The following MRTFB variants were observed in gnomAD, a reference collection of about 807,000 sequenced individuals.
The protein encoded by MRTFB is myocardin-related transcription factor B.
In MRTFB, 29 loss-of-function variants were observed where a neutral mutation model predicts 104.2. That is an observed-to-expected ratio of 0.28 (90% CI 0.21 to 0.38). MRTFB has a LOEUF of 0.38. Among genes scored for constraint, MRTFB ranks in the 10% least tolerant of loss-of-function variants. The probability of loss-of-function intolerance (pLI) is 1.00; values close to 1 mark genes in which losing one functional copy is unlikely to be tolerated. For synonymous variants in MRTFB, 535 were observed against 519.5 expected (o/e 1.03, Z -0.41); for missense variants, 1,270 against 1,341.6 (o/e 0.95, Z 0.83).
chr16:14,200,498 A>G (rs769220821), intron 3 of MRTFB: 14 of 1,610,476 alleles, frequency 8.7e-6, no homozygotes, highest in African/African-American at 6.7e-5. Flanking sequence ...AGTCAGTGCA[A>G]TCATCGTCTG....
chr16:14,142,238 TTTC>T (rs2038041153), intron 3 of MRTFB: 1 of 141,324 alleles, frequency 7.1e-6, no homozygotes, highest in South Asian at 2.2e-4. Flanking sequence ...CCTTCCATCT[TTTC>T]TTTCTTTTTT....
At chr16:14,182,172 G>A (rs1394212236) in intron 3 of MRTFB, among the ~76,000 whole-genome samples, 1 of 152,214 alleles carries the variant, frequency 6.6e-6, no homozygotes, top group African/African-American at 2.4e-5. Context: ...GATACTGCAG[G>A]TCTCCTCCAT....
intron 3 of MRTFB, chr16:14,152,746 CA>C (rs1275554359): frequency 1.3e-5 from 2 of 152,118 alleles, no homozygotes; most frequent in Non-Finnish European, 2.9e-5. Context: ...GGGTGAACGG[CA>C]TTCCACATTG....
chr16:14,011,819 C>A, the MRTFB span, among the ~76,000 whole-genome samples: 1 of 152,118 alleles, frequency 6.6e-6, no homozygotes, highest in African/African-American at 2.4e-5. Flanking sequence ...TTGCAGTGAG[C>A]CAAGATCATG....
chr16:14,171,971 A>G (rs1332577961), intron 3 of MRTFB, among the ~76,000 whole-genome samples: 7 of 152,214 alleles, frequency 4.6e-5, no homozygotes, highest in Non-Finnish European at 7.3e-5. Flanking sequence ...GTTATTTGAA[A>G]TGCAGTTGCA....
intron 3 of MRTFB, among the ~76,000 whole-genome samples, chr16:14,205,644 A>G (rs1307041963): frequency 2.0e-5 from 3 of 152,362 alleles, no homozygotes; most frequent in African/African-American, 7.2e-5. Flanking sequence ...AAATGTGAGC[A>G]ATTGTAACAT....
chr16:14,147,146 T>C (rs77837419), intron 3 of MRTFB, among the ~76,000 whole-genome samples: 1,896 of 152,336 alleles, frequency 0.012, 36 homozygotes, highest in African/African-American at 0.042. Flanking sequence ...TTTTCCTGCT[T>C]TCAGGAGTTA....
the MRTFB span, among the ~76,000 whole-genome samples, chr16:14,000,231 G>A: frequency 6.6e-6 from 1 of 152,200 alleles, no homozygotes; most frequent in South Asian, 2.1e-4. Context: ...TCTCTGCTTC[G>A]GGGACAGAAG....
At chr16:14,019,064 T>C in the MRTFB span, 2 of 152,454 alleles carry the variant, frequency 1.3e-5, no homozygotes, top group South Asian at 4.1e-4. Context: ...AGTGAAATCA[T>C]TGTTTTGTCT....
At chr16:14,119,883 A>G (rs1247507752) in intron 2 of MRTFB, among the ~76,000 whole-genome samples, 1 of 152,098 alleles carries the variant, frequency 6.6e-6, no homozygotes, top group Non-Finnish European at 1.5e-5. Flanking sequence ...AGGGTCCTAC[A>G]TTTCCTCAGC....
At chr16:14,214,763 T>C (rs1457261722) in intron 6 of MRTFB, 1 of 152,134 alleles carries the variant, frequency 6.6e-6, no homozygotes, top group Non-Finnish European at 1.5e-5. Context: ...CTCTCAATAT[T>C]AAGGATGTGG....
intron 3 of MRTFB, among the ~76,000 whole-genome samples, chr16:14,206,492 C>T (rs150548939): frequency 1.3e-5 from 2 of 152,218 alleles, no homozygotes; most frequent in Non-Finnish European, 2.9e-5. Flanking sequence ...GTAGTAGTTG[C>T]TCTCAGAATA....
chr16:14,191,060 A>AG lies in MRTFB; in HGVS notation c.155-19182dup, dbSNP rs568768774. Among the ~76,000 whole-genome samples the AG allele has an allele frequency of 5.1e-3, 771 of 152,382 alleles. 6 individuals carry two copies. The highest frequency in any genetic ancestry group is 0.017 in the African/African-American group (725 of 41,592). Reference sequence around the variant, plus strand: ...AATAATCCAACCTGGAAATACATCGAGATTAAATAAATCACTTTACCAAAG... The same window carrying AG: ...AATAATCCAACCTGGAAATACATCGAGGATTAAATAAATCACTTTACCAAAG... On this transcript the variant is annotated intron_variant, in intron 3 of 16. Coordinates refer to ENST00000571589, the MANE Select transcript of MRTFB (RefSeq NM_001308142.2).
chr16:14,237,017 A>AACTTG (rs2042545949), intron 9 of MRTFB, among the ~76,000 whole-genome samples: 1 of 152,174 alleles, frequency 6.6e-6, no homozygotes, highest in South Asian at 2.1e-4. Flanking sequence ...AGTGACTAGC[A>AACTTG]ACTTGCAGTT....
chr16:14,108,519 G>A (rs998621919), intron 2 of MRTFB, among the ~76,000 whole-genome samples: 2 of 152,182 alleles, frequency 1.3e-5, no homozygotes, highest in African/African-American at 4.8e-5. Flanking sequence ...GTACATGTTA[G>A]CTGTTAAAGT....
chr16:14,204,222 C>T lies in MRTFB; in HGVS notation c.155-6021C>T, dbSNP rs371535223. On this transcript the variant is annotated intron_variant, in intron 3 of 16. Coordinates refer to ENST00000571589, the MANE Select transcript of MRTFB (RefSeq NM_001308142.2). ...AACTCCTGGTCTCAAGCCATCCTCC[C>T]TCTTCAGCCTCCCCAAACACTGGGA... Among the ~76,000 whole-genome samples the T allele has an allele frequency of 7.2e-5, 11 of 152,264 alleles. No individual in the cohort carries two copies. In the East Asian group the frequency reaches 1.7e-3, roughly 24 times the overall value.
At chr16:14,000,403 T>C in the MRTFB span, among the ~76,000 whole-genome samples, 1 of 152,194 alleles carries the variant, frequency 6.6e-6, no homozygotes, top group Admixed American at 6.5e-5. Context: ...CTTTTTATCC[T>C]GCAAATCACC....
At chr16:14,221,043 T>G (rs969078886) in intron 8 of MRTFB, among the ~76,000 whole-genome samples, 1 of 152,228 alleles carries the variant, frequency 6.6e-6, no homozygotes, top group Admixed American at 6.5e-5. Flanking sequence ...AAGAAGCATG[T>G]CCATGGTAAC....
chr16:14,143,637 A>G (rs934725782), intron 3 of MRTFB: 5 of 151,786 alleles, frequency 3.3e-5, no homozygotes, highest in African/African-American at 1.2e-4. Context: ...CATTAGATAT[A>G]TCTCCAAATG....
Sources: gnomAD v4.1 joint callset for allele counts (sites outside exome capture counted in the v4.1 genomes callset) on GRCh38, gnomAD v4.1.1 for gene constraint, MANE v1.5 for transcripts, NCBI Gene and HGNC (gene_info 2026-07-23, HGNC 2026-07-21) for gene names.